ROBO2: variants seen among roughly 807,000 people sequenced by gnomAD.
The protein encoded by ROBO2 is roundabout homolog 2.
In ROBO2, 53 loss-of-function variants were observed where a neutral mutation model predicts 160.8. That is an observed-to-expected ratio of 0.33 (90% CI 0.26 to 0.41). The LOEUF is 0.41. Ranked by LOEUF, ROBO2 falls within the 10% of genes least tolerant of loss-of-function variation. The pLI is 1.00. For missense variants in ROBO2, 1,577 were observed against 1,722.4 expected (o/e 0.92, Z 1.49); for synonymous variants, 664 against 611.7 (o/e 1.09, Z -1.26).
intron 2 of ROBO2, among the ~76,000 whole-genome samples, chr3:76,658,160 A>G (rs541508509): frequency 6.6e-6 from 1 of 151,318 alleles, no homozygotes; most frequent in South Asian, 2.1e-4. Context: ...TATATATTAT[A>G]GAATTACTTT....
intron 2 of ROBO2, among the ~76,000 whole-genome samples, chr3:76,034,876 G>A (rs987796646): frequency 2.6e-5 from 4 of 152,118 alleles, no homozygotes; most frequent in Admixed American, 2.6e-4. Context: ...TCAGATTACA[G>A]TCTGGGTGAG....
In ROBO2 at chr3:76,834,094, C is replaced by CTTTCT. The variant is rs1553651337; in HGVS notation, c.110-263917_110-263913dup. Among the ~76,000 whole-genome samples the CTTTCT allele has an allele frequency of 1.1e-4, 13 of 119,978 alleles. 1 individual carries two copies. In the South Asian group the frequency reaches 3.0e-3, roughly 27 times the overall value. 78.7% of individuals were successfully genotyped at this position (119,978 alleles called of 152,430 possible). A position where few individuals can be genotyped will look rare whatever the true frequency, so the allele number is the denominator to read the frequency against. On this transcript the variant is annotated intron_variant, in intron 2 of 26. Coordinates refer to the ROBO2 transcript ENST00000487694. ...TCTTTCTTTCTTTCTTTCTTTCTTT[C>CTTTCT]TTTCTTTCTTTCTTTCTTTCTCTCT...
chr3:75,975,282 C>T (rs556024393), intron 2 of ROBO2, among the ~76,000 whole-genome samples: 1 of 151,286 alleles, frequency 6.6e-6, no homozygotes, highest in East Asian at 2.0e-4. Context: ...GTTTGTTGGC[C>T]TCTTTATAGG....
At chr3:76,285,623 G>A (rs755823791) in intron 2 of ROBO2, among the ~76,000 whole-genome samples, 17 of 151,914 alleles carry the variant, frequency 1.1e-4, no homozygotes, top group Non-Finnish European at 2.4e-4. Context: ...TAAGAGAAAA[G>A]GCATGAAAAT....
At chr3:76,335,372 G>T (rs1328412338) in intron 2 of ROBO2, among the ~76,000 whole-genome samples, 1 of 151,316 alleles carries the variant, frequency 6.6e-6, no homozygotes, top group African/African-American at 2.4e-5. Flanking sequence ...GTTAGAGACG[G>T]GGTTTTACCA....
chr3:76,826,227 T>C (rs765989496), intron 2 of ROBO2, among the ~76,000 whole-genome samples: 1 of 152,078 alleles, frequency 6.6e-6, no homozygotes, highest in Admixed American at 6.6e-5. Context: ...AAATTTGAAA[T>C]CTTCAAGCAT....
chr3:76,108,175 G>A (rs186781777), intron 2 of ROBO2, among the ~76,000 whole-genome samples: 1 of 152,060 alleles, frequency 6.6e-6, no homozygotes, highest in Admixed American at 6.5e-5. Context: ...TCGGAACTGC[G>A]ATGCTAATCA....
intron 2 of ROBO2, among the ~76,000 whole-genome samples, chr3:76,961,795 C>T (rs1025852005): frequency 8.5e-5 from 13 of 152,130 alleles, no homozygotes; most frequent in South Asian, 2.1e-4. Context: ...ATGTAACCTA[C>T]GGGTCCTTTT....
intron 1 of ROBO2, among the ~76,000 whole-genome samples, chr3:75,909,511 C>T (rs1004274360): frequency 1.2e-4 from 18 of 152,112 alleles, no homozygotes; most frequent in African/African-American, 4.3e-4. Context: ...TACAGGATTC[C>T]CTGAACATTT....
intron 2 of ROBO2, among the ~76,000 whole-genome samples, chr3:76,121,966 T>TG (rs2070769882): frequency 6.6e-6 from 1 of 152,200 alleles, no homozygotes; most frequent in South Asian, 2.1e-4. Flanking sequence ...TATTCCTCAA[T>TG]GTATTTTCTT....
At chr3:77,262,929 C>A (rs1376652787) in intron 2 of ROBO2, among the ~76,000 whole-genome samples, 2 of 152,134 alleles carry the variant, frequency 1.3e-5, no homozygotes, top group Non-Finnish European at 2.9e-5. Context: ...TTGCTATAAA[C>A]TAAATGCCAC....
At chr3:76,648,662 A>G (rs192172967) in intron 2 of ROBO2, among the ~76,000 whole-genome samples, 3 of 152,272 alleles carry the variant, frequency 2.0e-5, no homozygotes, top group Non-Finnish European at 2.9e-5. Context: ...TAAATCATAA[A>G]TAAATAGATA....
chr3:77,140,621 G>A (rs931333242), intron 2 of ROBO2, among the ~76,000 whole-genome samples: 2 of 151,920 alleles, frequency 1.3e-5, no homozygotes, highest in African/African-American at 4.8e-5. Flanking sequence ...AGGGTCCTAG[G>A]GTATTTGAAT....
At chr3:76,857,604 C>T (rs999435759) in intron 2 of ROBO2, among the ~76,000 whole-genome samples, 6 of 152,102 alleles carry the variant, frequency 3.9e-5, no homozygotes, top group African/African-American at 1.4e-4. Context: ...TGACAATGAA[C>T]ACGTTTTTGC....
intron 19 of ROBO2, among the ~76,000 whole-genome samples, chr3:77,597,224 T>C (rs2094326060): frequency 6.6e-6 from 1 of 152,028 alleles, no homozygotes; most frequent in Admixed American, 6.6e-5. Context: ...ATGTAAGAAA[T>C]AGACAATTAA....
At chr3:77,294,605 G>A (rs2061804544) in intron 2 of ROBO2, among the ~76,000 whole-genome samples, 1 of 148,750 alleles carries the variant, frequency 6.7e-6, no homozygotes, top group African/African-American at 2.6e-5. Context: ...GATCATCAAA[G>A]ACATAAAGTA....
At chr3:76,834,102 C>CTTTCTTTCTT (rs1553651354) in intron 2 of ROBO2, among the ~76,000 whole-genome samples, 2 of 123,304 alleles carry the variant, frequency 1.6e-5, no homozygotes, top group African/African-American at 6.1e-5. Context: ...TTCTTTCTTT[C>CTTTCTTTCTT]TTTCTTTCTT....
intron 1 of ROBO2, among the ~76,000 whole-genome samples, chr3:77,063,615 CACTT>C (rs2066538294): frequency 6.6e-6 from 1 of 152,184 alleles, no homozygotes; most frequent in Admixed American, 6.5e-5. Context: ...TTATGACTCA[CACTT>C]ACGTTAGGCT....
chr3:77,186,559 C>T (rs2081305771), intron 2 of ROBO2, among the ~76,000 whole-genome samples: 1 of 151,916 alleles, frequency 6.6e-6, no homozygotes, highest in Non-Finnish European at 1.5e-5. Context: ...TTATACGGAG[C>T]ACAGAGGGCA....
Sources: allele counts gnomAD v4.1 joint callset (sites outside exome capture counted in the v4.1 genomes callset), GRCh38; gene constraint gnomAD v4.1.1; transcripts MANE v1.5; gene names NCBI Gene and HGNC (gene_info 2026-07-23, HGNC 2026-07-21).